The following REXO1 variants were observed in gnomAD, a reference collection of about 807,000 sequenced individuals.
REXO1 encodes REX1, RNA exonuclease 1 homolog.
REXO1 carries 42 observed loss-of-function variants against 102.6 expected under a neutral mutation model. The observed-to-expected ratio is 0.41, with a 90% CI of 0.32 to 0.53. The LOEUF is 0.53. Among genes scored for constraint, REXO1 ranks in the 20% least tolerant of loss-of-function variants. The pLI is 0.27. For missense variants in REXO1, 1,819 were observed against 1,732.5 expected (o/e 1.05, Z -0.89); for synonymous variants, 908 against 779.1 (o/e 1.17, Z -2.76).
intron 4 of REXO1, chr19:1,823,216 G>A: frequency 3.7e-6 from 1 of 273,954 alleles, no homozygotes; most frequent in Non-Finnish European, 6.8e-6. Context: ...CACGCCAGGA[G>A]AAAGCCACAC....
chr19:1,820,340 A>G lies in REXO1; in HGVS notation c.2450T>C (p.Ile817Thr), dbSNP rs1600521126. The G allele has an allele frequency of 6.2e-7, 1 of 1,613,928 alleles. No individual in the cohort carries two copies. Among genetic ancestry groups the G allele is most frequent in the Non-Finnish European group, 8.5e-7 (1 of 1,179,996 alleles). Reference protein sequence around the residue: ...KEFGGKVPTVIRQRYLNLFIE... With the variant: ...KEFGGKVPTVTRQRYLNLFIE... ...GAACAGGTTGAGATAGCGCTGGCGG[A>G]TGACGGTGGGGACTTTGCCCCCAAA... Residue 817 changes from isoleucine (I) to threonine (T), a missense_variant, in exon 6 of 16, where the codon ATC becomes ACC. Coordinates refer to ENST00000170168, the MANE Select transcript of REXO1 (RefSeq NM_020695.4).
At chr19:1,819,800 C>G (rs1255185609) in intron 7 of REXO1, 134 bp downstream of exon 7, 5 of 996,306 alleles carry the variant, frequency 5.0e-6, no homozygotes, top group South Asian at 2.2e-5. Context: ...GGCAGCCCCC[C>G]CACAGCACCG....
intron 3 of REXO1, chr19:1,824,152 T>G: frequency 4.9e-6 from 1 of 203,078 alleles, no homozygotes; most frequent in Non-Finnish European, 9.9e-6. Context: ...ACTGGGACTC[T>G]CCTGGCTGCT....
intron 5 of REXO1, among the ~76,000 whole-genome samples, chr19:1,821,263 T>C (rs187627949): frequency 5.9e-4 from 89 of 150,658 alleles, no homozygotes; most frequent in African/African-American, 1.9e-3. Flanking sequence ...GAGAATGGCG[T>C]GAACCCAGGA....
At chr19:1,844,781 A>G (rs925925932) in intron 1 of REXO1, among the ~76,000 whole-genome samples, 5 of 152,186 alleles carry the variant, frequency 3.3e-5, no homozygotes, top group Non-Finnish European at 5.9e-5. Context: ...GCAGTATAGG[A>G]TGGCCCCTTC....
chr19:1,845,311 G>A (rs554745803), intron 1 of REXO1, among the ~76,000 whole-genome samples: 1 of 152,330 alleles, frequency 6.6e-6, no homozygotes, highest in Non-Finnish European at 1.5e-5. Flanking sequence ...CACGGTGCCC[G>A]CCGTAAGGGC....
At position 1,838,230 on chromosome 19, in the gene REXO1, T is replaced by C. The variant is rs529496461; in HGVS notation, c.158-9599A>G. Among the ~76,000 whole-genome samples the C allele has an allele frequency of 5.7e-4, 87 of 151,418 alleles. 2 individuals carry two copies. The South Asian group carries it at 0.017, about 29-fold the overall frequency. On this transcript the variant is annotated intron_variant, in intron 1 of 15. Transcript: ENST00000170168. Reference sequence around the variant, plus strand: ...TACTCAGGAGGCTGAGGCAGGAGAATTGCTTGAACCCGGAAGGTGGAGTCT... The same window carrying C: ...TACTCAGGAGGCTGAGGCAGGAGAACTGCTTGAACCCGGAAGGTGGAGTCT...
intron 1 of REXO1, chr19:1,834,856 G>T (rs2069995746): frequency 7.8e-6 from 2 of 257,164 alleles, no homozygotes; most frequent in South Asian, 2.8e-5. Flanking sequence ...AAGAAAGCAG[G>T]CATGCTAGGC....
Position 1,826,259 on chromosome 19 carries a change from C to A in REXO1, c.1912-316G>T, listed in dbSNP as rs1290051354. Among the ~76,000 whole-genome samples the A allele has an allele frequency of 2.0e-5, 3 of 152,138 alleles. No homozygotes were observed. The highest frequency in any genetic ancestry group is 7.2e-5 in the African/African-American group (3 of 41,418). On this transcript the variant is annotated intron_variant, in intron 2 of 15. Coordinates refer to ENST00000170168, the MANE Select transcript of REXO1 (RefSeq NM_020695.4). This position sits in a 1 kb window ranked among gnomAD's most constrained non-coding sequence, Gnocchi z 4.3. ...CTTGGGCCGAACCAGCTGCTGCGGG[C>A]TGAGCACTTGGGCTCAGTCTGTGTG...
Position 1,818,732 on chromosome 19 carries a change from G to A in REXO1, c.2876C>T (p.Thr959Ile). The change falls in exon 9 of 16, where the codon ACA becomes ATA. Residue 959 changes from threonine to isoleucine, a missense_variant. Transcript: ENST00000170168. ...PERPGGAIIF[T>I]AEEKRPKDSS... ...GTCCTTGGGCCTCTTCTCCTCAGCT[G>A]TGAAGATGATTGCGCCCCCGGGCCG... 1 of 1,611,224 alleles carries A rather than the reference G, an allele frequency of 6.2e-7. No individual in the cohort carries two copies. The highest frequency in any genetic ancestry group is 8.5e-7 in the Non-Finnish European group (1 of 1,179,896).
In REXO1 at chr19:1,834,869, G is replaced by T. The variant is rs996113999; in HGVS notation, c.158-6238C>A. On this transcript the variant is annotated intron_variant, in intron 1 of 15. Coordinates refer to ENST00000170168, the MANE Select transcript of REXO1 (RefSeq NM_020695.4). ...AAAAGAAAGCAGGCATGCTAGGCGG[G>T]TCCGAGAAGACTGAGATCAGGATCT... is the stretch of plus-strand genomic sequence containing the variant. The T allele has an allele frequency of 2.7e-5, 8 of 292,770 alleles. No individual in the cohort carries two copies. The Middle Eastern group carries it at 3.4e-3, about 123-fold the overall frequency. 18.1% of individuals were successfully genotyped at this position (292,770 alleles called of 1,614,324 possible).
intron 1 of REXO1, among the ~76,000 whole-genome samples, chr19:1,837,601 C>A (rs963342497): frequency 1.3e-5 from 2 of 152,230 alleles, no homozygotes; most frequent in African/African-American, 2.4e-5. Context: ...ACCCCCCACA[C>A]CAGACTCCAC....
intron 11 of REXO1, 96 bp downstream of exon 11, chr19:1,817,611 C>T: frequency 2.0e-6 from 3 of 1,472,458 alleles, no homozygotes; most frequent in East Asian, 2.5e-5. Flanking sequence ...AGACCCTGAG[C>T]CCAGGACTGT....
At chr19:1,822,145 C>A (rs1333692682) in intron 4 of REXO1, 2 of 376,610 alleles carry the variant, frequency 5.3e-6, no homozygotes, top group Non-Finnish European at 9.4e-6. Flanking sequence ...CTTCGGAGGG[C>A]TGGCCACGCG....
chr19:1,844,859 G>A (rs181924989), intron 1 of REXO1, among the ~76,000 whole-genome samples: 10 of 152,306 alleles, frequency 6.6e-5, no homozygotes, highest in Admixed American at 5.9e-4. Context: ...TCCCCTCAAC[G>A]TGGTGCCCTC....
Position 1,828,589 on chromosome 19 carries a change from G to A in REXO1, c.200C>T (p.Pro67Leu). 2 of 1,603,238 alleles carry A rather than the reference G, an allele frequency of 1.2e-6. No individual in the cohort carries two copies. The highest frequency in any genetic ancestry group is 1.1e-5 in the South Asian group (1 of 91,044). The change falls in exon 2 of 16, where the codon CCC becomes CTC. Residue 67 changes from proline (P) to leucine (L), a missense_variant. Coordinates refer to ENST00000170168, the MANE Select transcript of REXO1 (RefSeq NM_020695.4). Reference sequence around the variant, plus strand: ...CAGGGTGCCATTCTCCCTCTGCGCGGGGGGCTTGGGCAGCTCAGGGTTGTA... The same window carrying A: ...CAGGGTGCCATTCTCCCTCTGCGCGAGGGGCTTGGGCAGCTCAGGGTTGTA... ...DPYNPELPKP[P>L]AQRENGTLGL...
At chr19:1,835,939 C>T (rs2070026702) in intron 1 of REXO1, among the ~76,000 whole-genome samples, 1 of 152,246 alleles carries the variant, frequency 6.6e-6, no homozygotes, top group African/African-American at 2.4e-5. Context: ...CCCTACACCA[C>T]CCATCCTGAC....
chr19:1,833,633 G>A (rs958230139), intron 1 of REXO1, among the ~76,000 whole-genome samples: 1 of 152,174 alleles, frequency 6.6e-6, no homozygotes, highest in Admixed American at 6.5e-5. Context: ...GGCTGCGGAG[G>A]CCAGCAGCAG....
intron 5 of REXO1, 109 bp downstream of exon 5, chr19:1,821,410 C>A (rs577067015): frequency 2.6e-5 from 35 of 1,330,216 alleles, no homozygotes; most frequent in Non-Finnish European, 3.6e-5. Flanking sequence ...GTGTGGAGCA[C>A]GAAGGCCCGC....
Sources: allele counts gnomAD v4.1 joint callset (sites outside exome capture counted in the v4.1 genomes callset), GRCh38; gene constraint gnomAD v4.1.1; non-coding constraint Gnocchi (gnomAD v3.1); transcripts MANE v1.5; gene names NCBI Gene and HGNC (gene_info 2026-07-23, HGNC 2026-07-21).